The following ZHX3 variants were observed in gnomAD, a reference collection of about 807,000 sequenced individuals.
ZHX3 encodes zinc fingers and homeoboxes protein 3.
In ZHX3, 20 loss-of-function variants were observed where a neutral mutation model predicts 64.5. The observed-to-expected ratio is 0.31, with a 90% confidence interval of 0.22 to 0.45. The LOEUF is 0.45. ZHX3 is among the 20% of genes least tolerant of loss of function. The pLI, the probability that ZHX3 is intolerant of heterozygous loss-of-function variation, is 1.00. For synonymous variants in ZHX3, 423 were observed against 461.6 expected (o/e 0.92, Z 1.07); for missense variants, 1,041 against 1,195.8 (o/e 0.87, Z 1.91).
In ZHX3 at chr20:41,246,054, T is replaced by C. The variant is rs16985622; in HGVS notation, c.-151+22936A>G. The stretch of plus-strand genomic sequence containing the variant: ...ATTAACCAGGAATATATTTTTGATA[T>C]AGAGTAGGCCAGTTTTGTTTCTGGT... On this transcript the variant is annotated intron_variant, in intron 2 of 3. Transcript: ENST00000683867. Among the ~76,000 whole-genome samples the C allele has an allele frequency of 7.8e-3, 1,184 of 152,312 alleles. 10 individuals are homozygous for C. The highest frequency in any genetic ancestry group is 0.027 in the African/African-American group (1,121 of 41,562).
At position 41,183,545 on chromosome 20, in the gene ZHX3, T is replaced by A. The variant is rs1167252815; in HGVS notation, c.*1646A>T. 4 of 152,248 alleles carry A rather than the reference T, an allele frequency of 2.6e-5. No individual in the cohort carries two copies. The East Asian group carries it at 5.8e-4, about 22-fold the overall frequency. 9.4% of individuals were successfully genotyped at this position (152,248 alleles called of 1,614,324 possible). On this transcript the variant is annotated 3_prime_UTR_variant, in exon 4 of 4. Transcript: ENST00000683867. The surrounding 1 kb of genome is among the most constrained non-coding windows in gnomAD (Gnocchi z 5.3). Reference sequence around the variant, plus strand: ...CACATGAGCACGGTGCCCTGCCAGGTCCAGTTCCCTGGGTAGGGGAGAAGG... The same window carrying A: ...CACATGAGCACGGTGCCCTGCCAGGACCAGTTCCCTGGGTAGGGGAGAAGG...
chr20:41,247,656 G>A (rs1433941502), intron 2 of ZHX3, among the ~76,000 whole-genome samples: 1 of 152,086 alleles, frequency 6.6e-6, no homozygotes, highest in Admixed American at 6.5e-5. Context: ...GTAAGGTTTT[G>A]CAGCACCATC....
chr20:41,296,516 C>T (rs374235495), intron 1 of ZHX3, among the ~76,000 whole-genome samples: 2 of 152,218 alleles, frequency 1.3e-5, no homozygotes, highest in South Asian at 2.1e-4. Context: ...GTCCCTAGCA[C>T]ATGGTGATGC....
Position 41,202,465 on chromosome 20 carries a change from C to A in ZHX3, c.2452G>T (p.Ala818Ser). 6.2e-7 allele frequency: 1 copy of A among 1,614,214 alleles called. No individual in the cohort carries two copies. The highest frequency in any genetic ancestry group is 8.5e-7 in the Non-Finnish European group (1 of 1,180,040). Residue 818 changes from alanine (A) to serine (S), a missense_variant, in exon 3 of 4, where the codon GCA becomes TCA. By Grantham distance (99) the Ala-to-Ser change is moderately conservative (BLOSUM62 1). This residue lies in a region of ZHX3 where 649 missense variants were observed against 739.8 expected (regional missense o/e 0.88). Transcript: ENST00000683867. This position sits in a 1 kb window ranked among gnomAD's most constrained non-coding sequence, Gnocchi z 7.0. ...VVRWFGDSRY[A>S]LKNGQLKWYE... ...CATTTGAGTTGGCCGTTCTTCAGTG[C>A]GTACCTGCTATCTCCAAACCAGCGC...
At chr20:41,241,305 T>C (rs1222301598) in intron 2 of ZHX3, among the ~76,000 whole-genome samples, 1 of 152,248 alleles carries the variant, frequency 6.6e-6, no homozygotes, top group East Asian at 1.9e-4. Context: ...CATTTGTATG[T>C]CTTCTGAGAA....
intron 2 of ZHX3, among the ~76,000 whole-genome samples, chr20:41,209,496 G>A (rs1257815260): frequency 6.6e-6 from 1 of 152,108 alleles, no homozygotes; most frequent in Non-Finnish European, 1.5e-5. Context: ...CCAAAACAGA[G>A]ATGTAGACCA....
In ZHX3 at chr20:41,294,045, T is replaced by C. The variant is rs138127621; in HGVS notation, c.-245+23464A>G. ...CCCTTCTGGCCAGAAGGCTACAGCTTTGTAAAGAAGTGAATAGACAAAAGT... is the reference window on the plus strand; with the variant it reads ...CCCTTCTGGCCAGAAGGCTACAGCTCTGTAAAGAAGTGAATAGACAAAAGT... On this transcript the variant is annotated intron_variant, in intron 1 of 3. Coordinates refer to ENST00000683867, the MANE Select transcript of ZHX3 (RefSeq NM_001384317.1). Among the ~76,000 whole-genome samples the C allele has an allele frequency of 8.9e-3, 1,353 of 152,136 alleles. 12 individuals carry two copies. The highest frequency in any genetic ancestry group is 0.015 in the Non-Finnish European group (993 of 67,998).
At chr20:41,309,986 A>T (rs2045082745) in intron 1 of ZHX3, among the ~76,000 whole-genome samples, 1 of 152,182 alleles carries the variant, frequency 6.6e-6, no homozygotes, top group Admixed American at 6.5e-5. Flanking sequence ...CTCTCTAGCC[A>T]CATCCTATTA....
intron 3 of ZHX3, among the ~76,000 whole-genome samples, chr20:41,186,540 C>A (rs889181182): frequency 6.6e-6 from 1 of 152,178 alleles, no homozygotes; most frequent in African/African-American, 2.4e-5. Flanking sequence ...TGGTAATATT[C>A]TATATTCACC....
intron 1 of ZHX3, among the ~76,000 whole-genome samples, chr20:41,300,446 T>C (rs973324920): frequency 2.0e-5 from 3 of 152,226 alleles, no homozygotes; most frequent in Non-Finnish European, 2.9e-5. Context: ...GATACCTTCA[T>C]TATAAAGTGT....
chr20:41,225,590 C>T (rs1271116250), intron 2 of ZHX3, among the ~76,000 whole-genome samples: 4 of 152,160 alleles, frequency 2.6e-5, no homozygotes, highest in Admixed American at 6.5e-5. Flanking sequence ...CAGGTTCAAG[C>T]GATTCTCCTA....
intron 2 of ZHX3, among the ~76,000 whole-genome samples, chr20:41,207,195 A>G (rs990198302): frequency 2.0e-5 from 3 of 152,194 alleles, no homozygotes; most frequent in African/African-American, 7.2e-5. Flanking sequence ...ACTGCAAAAA[A>G]CATGCCAAAT....
At chr20:41,282,505 T>C (rs2043738884) in intron 1 of ZHX3, among the ~76,000 whole-genome samples, 1 of 151,838 alleles carries the variant, frequency 6.6e-6, no homozygotes, top group Admixed American at 6.6e-5. Context: ...ATTACAGGCA[T>C]GCCCCATTAC....
intron 3 of ZHX3, among the ~76,000 whole-genome samples, chr20:41,196,423 TA>T (rs1219776369): frequency 1.3e-5 from 1 of 77,182 alleles, no homozygotes; most frequent in East Asian, 4.7e-4. Context: ...ATATAATATA[TA>T]TTTATATAAA....
chr20:41,255,221 G>A (rs185279998), intron 2 of ZHX3, among the ~76,000 whole-genome samples: 14 of 152,108 alleles, frequency 9.2e-5, no homozygotes, highest in African/African-American at 1.7e-4. Flanking sequence ...GCGCCATCTC[G>A]GCTCACTGCA....
intron 2 of ZHX3, among the ~76,000 whole-genome samples, chr20:41,209,768 T>G (rs1453142016): frequency 1.3e-5 from 2 of 152,098 alleles, no homozygotes; most frequent in African/African-American, 2.4e-5. Context: ...GCAATACCAT[T>G]CAGGACATAG....
chr20:41,304,055 C>G (rs532624488), intron 1 of ZHX3, among the ~76,000 whole-genome samples: 133 of 152,308 alleles, frequency 8.7e-4, no homozygotes, highest in Non-Finnish European at 1.5e-3. Flanking sequence ...GCACTTAACA[C>G]TGCTGTACTC....
chr20:41,209,181 G>A (rs959778284), intron 2 of ZHX3, among the ~76,000 whole-genome samples: 8 of 152,138 alleles, frequency 5.3e-5, no homozygotes, highest in African/African-American at 1.7e-4. Flanking sequence ...AGTGCTCAAC[G>A]AAATAAGAGG....
At chr20:41,295,752 G>A (rs2044480462) in intron 1 of ZHX3, among the ~76,000 whole-genome samples, 1 of 152,036 alleles carries the variant, frequency 6.6e-6, no homozygotes, top group Non-Finnish European at 1.5e-5. Context: ...TCAGGAGGCT[G>A]AGGCAGGAGA....
Sources: gnomAD v4.1 joint callset for allele counts (sites outside exome capture counted in the v4.1 genomes callset) on GRCh38, gnomAD v4.1.1 for gene constraint, gnomAD v4.1.1 regional missense constraint, Gnocchi (gnomAD v3.1) non-coding constraint, MANE v1.5 for transcripts, NCBI Gene and HGNC (gene_info 2026-07-23, HGNC 2026-07-21) for gene names.